The following MRTFB variants were observed in gnomAD, a reference collection of about 807,000 sequenced individuals.
MRTFB encodes the protein myocardin related transcription factor B, also known as myocardin-related transcription factor B.
A neutral mutation model predicts 104.2 loss-of-function variants in MRTFB; 29 were observed. The ratio of observed to expected loss-of-function variants is 0.28; its 90% confidence interval spans 0.21 to 0.38. The LOEUF is 0.38. Among genes scored for constraint, MRTFB ranks in the 10% least tolerant of loss-of-function variants. The pLI is 1.00. For synonymous variants in MRTFB, 535 were observed against 519.5 expected, an observed-to-expected ratio of 1.03 and a Z score of -0.41; for missense variants, 1,270 against 1,341.6, an observed-to-expected ratio of 0.95 and a Z score of 0.83.
At chr16:14,170,638 A>G (rs1040739036) in intron 3 of MRTFB, among the ~76,000 whole-genome samples, 5 of 152,214 alleles carry the variant, frequency 3.3e-5, no homozygotes, top group Non-Finnish European at 1.5e-5. Context: ...CATATAAACC[A>G]TTATACATAT....
rs1272772451 is a variant in MRTFB, at chr16:14,247,229, G to T, written c.1969G>T (p.Ala657Ser). The T allele has an allele frequency of 1.2e-6, 2 of 1,614,060 alleles. No homozygotes were observed. Among genetic ancestry groups the T allele is most frequent in the Non-Finnish European group, 8.5e-7 (1 of 1,180,048 alleles). Reference sequence around the variant, plus strand: ...CAGCTCCAGGCAGCCCATCCCAGTAGCCAGCCACGCTGTAGGCCAGCCCGT... The same window carrying T: ...CAGCTCCAGGCAGCCCATCCCAGTATCCAGCCACGCTGTAGGCCAGCCCGT... ...CSSSRQPIPV[A>S]SHAVGQPVST... The change falls in exon 12 of 17, where the codon GCC becomes TCC. Residue 657 changes from alanine (A) to serine (S), a missense_variant. Physicochemically the swap from Ala to Ser is moderately conservative, Grantham distance 99. Transcript: ENST00000571589.
At chr16:14,106,962 G>T (rs1467225207) in intron 2 of MRTFB, among the ~76,000 whole-genome samples, 1 of 152,328 alleles carries the variant, frequency 6.6e-6, no homozygotes, top group South Asian at 2.1e-4. Flanking sequence ...AGTATTGCTT[G>T]TGTGGCCCAT....
rs937646290 is a variant in MRTFB, at chr16:14,258,113, C to G, written c.2716C>G (p.His906Asp). ...QAPLPEISNA[H>D]SQQMDDLFDI... ...TCCTTCATTGTAGATTTCCAACGCT[C>G]ACAGTCAGCAGATGGATGACCTCTT... is the stretch of plus-strand genomic sequence containing the variant. The change falls in exon 16 of 17, where the codon CAC becomes GAC. Residue 906 changes from histidine (H) to aspartate (D), a missense_variant. His to Asp is a moderately conservative substitution (Grantham distance 81). Transcript: ENST00000571589. The G allele has an allele frequency of 6.8e-6, 11 of 1,613,772 alleles. No homozygotes were observed. The highest frequency in any genetic ancestry group is 9.3e-6 in the Non-Finnish European group (11 of 1,179,858).
chr16:14,040,132 G>T, the MRTFB span, among the ~76,000 whole-genome samples: 55 of 152,170 alleles, frequency 3.6e-4, no homozygotes, highest in African/African-American at 1.3e-3. Context: ...GTAAGTATTA[G>T]GTTGGTGCAA....
intron 2 of MRTFB, chr16:14,092,703 C>T (rs187944311): frequency 4.0e-4 from 61 of 152,180 alleles, no homozygotes; most frequent in Admixed American, 1.0e-3. Flanking sequence ...TGGGATGAAA[C>T]TTTGGATATG....
At chr16:14,248,886 C>T in intron 12 of MRTFB, 40 bp from the exon 13 acceptor site, 1 of 1,602,664 alleles carries the variant, frequency 6.2e-7, no homozygotes, top group African/African-American at 1.3e-5. Flanking sequence ...AACTTTGATT[C>T]TGACAATTAA....
At chr16:14,090,348 A>G (rs1455178741) in intron 2 of MRTFB, among the ~76,000 whole-genome samples, 1 of 152,204 alleles carries the variant, frequency 6.6e-6, no homozygotes, top group Non-Finnish European at 1.5e-5. Flanking sequence ...CAAATCTCCT[A>G]ACCTTACACC....
chr16:14,007,400 C>T, the MRTFB span, among the ~76,000 whole-genome samples: 1 of 152,176 alleles, frequency 6.6e-6, no homozygotes, highest in Non-Finnish European at 1.5e-5. Context: ...CATGTTGCGG[C>T]AGGGATCAGT....
chr16:14,004,007 T>C, the MRTFB span, among the ~76,000 whole-genome samples: 1 of 151,408 alleles, frequency 6.6e-6, no homozygotes, highest in African/African-American at 2.5e-5. Context: ...GGGTCCATAA[T>C]GCGGGTTTGT....
At chr16:14,259,249 A>G (rs1414983207) in intron 16 of MRTFB, among the ~76,000 whole-genome samples, 1 of 152,090 alleles carries the variant, frequency 6.6e-6, no homozygotes, top group Non-Finnish European at 1.5e-5. Flanking sequence ...AGCCTGGCCA[A>G]CATGGTGAAA....
intron 15 of MRTFB, among the ~76,000 whole-genome samples, chr16:14,255,778 T>C (rs2043454400): frequency 6.6e-6 from 1 of 151,796 alleles, no homozygotes. Flanking sequence ...TGCATATCTA[T>C]AGTAACAATT....
At chr16:14,127,508 G>C (rs1172566809) in intron 2 of MRTFB, among the ~76,000 whole-genome samples, 2 of 151,908 alleles carry the variant, frequency 1.3e-5, no homozygotes, top group Non-Finnish European at 2.9e-5. Flanking sequence ...GCCAGGCGTG[G>C]TGGTGGGCGC....
intron 2 of MRTFB, among the ~76,000 whole-genome samples, chr16:14,133,951 T>C (rs2037574031): frequency 6.6e-6 from 1 of 152,234 alleles, no homozygotes. Flanking sequence ...TCTAATTCCT[T>C]GTCTTTTTAT....
chr16:14,236,355 C>T (rs75654499), intron 9 of MRTFB, among the ~76,000 whole-genome samples: 4,809 of 152,300 alleles, frequency 0.032, 260 homozygotes, highest in African/African-American at 0.11. Context: ...TTAGCATGCA[C>T]ATTCACGATT....
chr16:14,161,269 A>G (rs1433454033), intron 3 of MRTFB, among the ~76,000 whole-genome samples: 1 of 152,072 alleles, frequency 6.6e-6, no homozygotes, highest in Non-Finnish European at 1.5e-5. Flanking sequence ...TATAACATAT[A>G]GTACTTTAGA....
intron 16 of MRTFB, among the ~76,000 whole-genome samples, chr16:14,260,130 T>C (rs1480191917): frequency 1.3e-5 from 2 of 152,334 alleles, no homozygotes; most frequent in East Asian, 1.9e-4. Flanking sequence ...GAATAACACA[T>C]AATGAAGACA....
intron 2 of MRTFB, among the ~76,000 whole-genome samples, chr16:14,111,895 C>T (rs182124372): frequency 1.3e-5 from 2 of 152,316 alleles, no homozygotes; most frequent in East Asian, 1.9e-4. Context: ...CCACACCCAC[C>T]TGGGTGTGTG....
chr16:14,202,376 A>G (rs974827135), intron 3 of MRTFB, among the ~76,000 whole-genome samples: 31 of 152,154 alleles, frequency 2.0e-4, no homozygotes, highest in Non-Finnish European at 3.5e-4. Context: ...TGTATACTTT[A>G]TTTTAACAAA....
At chr16:14,029,374 C>G in the MRTFB span, among the ~76,000 whole-genome samples, 4 of 143,734 alleles carry the variant, frequency 2.8e-5, no homozygotes, top group South Asian at 8.9e-4. Flanking sequence ...ATATTACACT[C>G]CAGCCTGGGT....
Sources: gnomAD v4.1 joint callset for allele counts (sites outside exome capture counted in the v4.1 genomes callset) on GRCh38, gnomAD v4.1.1 for gene constraint, MANE v1.5 for transcripts, NCBI Gene and HGNC (gene_info 2026-07-23, HGNC 2026-07-21) for gene names.